The following WWOX variants were observed in gnomAD, a reference collection of about 807,000 sequenced individuals.
WWOX encodes WW domain containing oxidoreductase, also known as WW domain-containing oxidoreductase.
In WWOX, 69 loss-of-function variants were observed where a neutral mutation model predicts 46.2. The observed-to-expected ratio is 1.49, with a 90% CI of 1.23 to 1.82. The LOEUF is 1.82. WWOX is among the 40% of genes most tolerant of loss of function. The pLI is 0.00. For synonymous variants in WWOX, 359 were observed against 202.6 expected (o/e 1.77, Z -6.56); for missense variants, 919 against 542.6 (o/e 1.69, Z -6.89).
At chr16:78,423,183 C>A (rs578058360) in intron 6 of WWOX, among the ~76,000 whole-genome samples, 17 of 152,204 alleles carry the variant, frequency 1.1e-4, no homozygotes, top group African/African-American at 4.1e-4. Flanking sequence ...CCATGCCTGC[C>A]CTTATTTTTA....
rs368056234 is a variant in WWOX at position 78,770,148 on chromosome 16, C to T, written c.1056+337396C>T. 3.7e-3 allele frequency among the ~76,000 whole-genome samples: 558 copies of T among 152,158 alleles called. 6 individuals carry two copies. Among genetic ancestry groups the T allele is most frequent in the South Asian group, 0.018 (85 of 4,810 alleles). ...GGGCCAATCACTGAGGTCAGGAGTT[C>T]GAGACCAGCCTGGCCAACATGGTGA... On this transcript the variant is annotated intron_variant, in intron 8 of 8. Coordinates refer to ENST00000566780, the MANE Select transcript of WWOX (RefSeq NM_016373.4).
In WWOX at chr16:78,344,409, C is replaced by G. The variant is rs1299611923; in HGVS notation, c.517-42451C>G. Among the ~76,000 whole-genome samples the G allele has an allele frequency of 1.6e-5, 2 of 121,246 alleles. 1 individual carries two copies. The allele number at this position is 121,246 out of a possible 152,430, so 79.5% of individuals were successfully genotyped here. ...AAATCTAGCTCCCAATGTCCATTTT[C>G]AAATGATTTCCAGCAAGGAAGATGG... On this transcript the variant is annotated intron_variant, in intron 5 of 8. Coordinates refer to ENST00000566780, the MANE Select transcript of WWOX (RefSeq NM_016373.4).
At chr16:78,585,834 A>G (rs2045189242) in intron 8 of WWOX, among the ~76,000 whole-genome samples, 1 of 151,538 alleles carries the variant, frequency 6.6e-6, no homozygotes, top group African/African-American at 2.4e-5. Context: ...TGGCCTTTAT[A>G]TTAGAACTCA....
chr16:79,154,662 G>A (rs1003387105), intron 8 of WWOX, among the ~76,000 whole-genome samples: 1 of 152,214 alleles, frequency 6.6e-6, no homozygotes, highest in Non-Finnish European at 1.5e-5. Flanking sequence ...GCTGATGGAT[G>A]TACACTGTAA....
intron 8 of WWOX, among the ~76,000 whole-genome samples, chr16:78,562,187 C>G (rs961283965): frequency 2.6e-5 from 4 of 152,156 alleles, no homozygotes; most frequent in African/African-American, 9.7e-5. Context: ...CAAACTGTTT[C>G]GTGGTGGAGT....
At chr16:79,158,858 A>G (rs926856387) in intron 8 of WWOX, among the ~76,000 whole-genome samples, 4 of 152,180 alleles carry the variant, frequency 2.6e-5, no homozygotes, top group African/African-American at 9.7e-5. Context: ...CTAGAACTCA[A>G]GTTTGTGACA....
intron 8 of WWOX, among the ~76,000 whole-genome samples, chr16:78,522,264 G>A (rs762351347): frequency 6.6e-6 from 1 of 151,514 alleles, no homozygotes; most frequent in Non-Finnish European, 1.5e-5. Flanking sequence ...ATAAGGGTTA[G>A]GATTAAAAAA....
chr16:79,112,967 G>A (rs770604070), intron 8 of WWOX, among the ~76,000 whole-genome samples: 1 of 152,126 alleles, frequency 6.6e-6, no homozygotes, highest in Non-Finnish European at 1.5e-5. Context: ...GCTGTGCTTT[G>A]GTTCATTTTC....
chr16:78,544,621 C>T (rs1232126772), intron 8 of WWOX, among the ~76,000 whole-genome samples: 8 of 152,142 alleles, frequency 5.3e-5, no homozygotes, highest in Admixed American at 5.2e-4. Flanking sequence ...CATGGTGGCT[C>T]ACACCTCTAA....
chr16:78,418,897 T>C (rs2082861195), intron 6 of WWOX, among the ~76,000 whole-genome samples: 1 of 152,058 alleles, frequency 6.6e-6, no homozygotes, highest in African/African-American at 2.4e-5. Flanking sequence ...GACAAGGATA[T>C]TCACTCTCAT....
chr16:78,726,174 T>TTC (rs548194273), intron 8 of WWOX, among the ~76,000 whole-genome samples: 318 of 146,800 alleles, frequency 2.2e-3, no homozygotes, highest in Non-Finnish European at 2.6e-3. Context: ...TGTCTCTCTT[T>TTC]TCTCTCTCTC....
intron 8 of WWOX, among the ~76,000 whole-genome samples, chr16:78,942,033 C>G (rs1402079061): frequency 6.6e-6 from 1 of 152,164 alleles, no homozygotes; most frequent in African/African-American, 2.4e-5. Context: ...TTCCCACTCT[C>G]TACCTCGCCT....
At chr16:78,759,836 G>A (rs1050319369) in intron 8 of WWOX, among the ~76,000 whole-genome samples, 2 of 152,180 alleles carry the variant, frequency 1.3e-5, no homozygotes, top group Admixed American at 1.3e-4. Context: ...AATGTTGGCA[G>A]GCCTTAGGGG....
At chr16:78,102,707 G>C (rs558187139) in intron 1 of WWOX, among the ~76,000 whole-genome samples, 14 of 152,322 alleles carry the variant, frequency 9.2e-5, no homozygotes, top group African/African-American at 2.9e-4. Context: ...TTCGTGCTTA[G>C]CCTTGGCTGT....
intron 5 of WWOX, among the ~76,000 whole-genome samples, chr16:78,358,216 C>T (rs2081337893): frequency 6.6e-6 from 1 of 151,522 alleles, no homozygotes; most frequent in African/African-American, 2.4e-5. Context: ...CTTGTATTTA[C>T]AAAAAAAAGA....
At chr16:78,325,776 C>G (rs1337010737) in intron 5 of WWOX, among the ~76,000 whole-genome samples, 1 of 152,206 alleles carries the variant, frequency 6.6e-6, no homozygotes, top group Non-Finnish European at 1.5e-5. Flanking sequence ...GGAAGCAAGT[C>G]CGTTGCCCTG....
intron 8 of WWOX, among the ~76,000 whole-genome samples, chr16:78,750,514 G>A (rs957651284): frequency 6.6e-6 from 1 of 151,972 alleles, no homozygotes; most frequent in Non-Finnish European, 1.5e-5. Flanking sequence ...AGTTTCGGGG[G>A]GTACATGTGT....
At chr16:79,176,570 A>G (rs565679963) in intron 8 of WWOX, among the ~76,000 whole-genome samples, 2 of 152,318 alleles carry the variant, frequency 1.3e-5, no homozygotes, top group East Asian at 3.9e-4. Context: ...TTGGTCCCTG[A>G]TAAATATACA....
chr16:78,318,680 C>A (rs1011048706), intron 5 of WWOX, among the ~76,000 whole-genome samples: 1 of 152,066 alleles, frequency 6.6e-6, no homozygotes, highest in African/African-American at 2.4e-5. Flanking sequence ...ATGTTAAGTG[C>A]TTTTAGCTGT....
Sources: allele counts gnomAD v4.1 joint callset (sites outside exome capture counted in the v4.1 genomes callset), GRCh38; gene constraint gnomAD v4.1.1; transcripts MANE v1.5; gene names NCBI Gene and HGNC (gene_info 2026-07-23, HGNC 2026-07-21).